The following HMCN2 variants were observed in gnomAD, a reference collection of about 807,000 sequenced individuals.
HMCN2 encodes the protein hemicentin 2, also known as hemicentin-2.
A neutral mutation model predicts 377.5 loss-of-function variants in HMCN2; 325 were observed. That is an observed-to-expected ratio of 0.86 (90% CI 0.79 to 0.94). The LOEUF (loss-of-function observed/expected upper bound fraction) is 0.94, where lower values mean the gene tolerates loss of function less well. Ranked by LOEUF, HMCN2 falls within the 40% of genes least tolerant of loss-of-function variation. HMCN2 has a pLI of 0.00. For synonymous variants in HMCN2, 2,007 were observed against 2,046.8 expected (o/e 0.98, Z 0.53); for missense variants, 4,543 against 4,725.3 (o/e 0.96, Z 1.13).
At chr9:130,378,914 T>C (rs1841546507) in intron 53 of HMCN2, among the ~76,000 whole-genome samples, 1 of 152,168 alleles carries the variant, frequency 6.6e-6, no homozygotes, top group Non-Finnish European at 1.5e-5. Context: ...AAGCTGATGA[T>C]TTTGTGCCTC....
intron 6 of HMCN2, 81 bp downstream of exon 6, chr9:130,295,853 C>T (rs979317613): frequency 2.3e-6 from 1 of 432,198 alleles, no homozygotes. Context: ...CCCTGGGGAG[C>T]CTGTGGCCTC....
rs547079752 is a variant in HMCN2 at position 130,427,327 on chromosome 9, G to C, written c.13894G>C (p.Gly4632Arg). The C allele has an allele frequency of 3.2e-6, 5 of 1,550,416 alleles. No individual in the cohort carries two copies. The highest frequency in any genetic ancestry group is 1.7e-4 in the Middle Eastern group (1 of 6,014). Residue 4632 changes from glycine to arginine, a missense_variant, in exon 91 of 98, where the codon GGC (glycine) becomes CGC (arginine). Transcript: ENST00000683500. Reference sequence around the variant, plus strand: ...TTGCTTTGCAGAGGAGAACGAGGTCGGCTGCCCCGAGGGCTTTGAGCTGGA... The same window carrying C: ...TTGCTTTGCAGAGGAGAACGAGGTCCGCTGCCCCGAGGGCTTTGAGCTGGA... ...TALQAEENEV[G>R]CPEGFELDSQ...
intron 28 of HMCN2, 127 bp downstream of exon 28, chr9:130,349,258 C>A (rs1313798968): frequency 3.1e-5 from 30 of 969,136 alleles, no homozygotes; most frequent in Non-Finnish European, 4.1e-5. Context: ...GGACCCATGA[C>A]AGACCCAACC....
In HMCN2 at chr9:130,430,344, G is replaced by A; in HGVS notation, c.14387G>A (p.Gly4796Asp). ...GCCTACCAGTGCCACAACCTCCAGG[G>A]CAGCTACCGCTGCCTGTGCCCCCCA... ...ACAYQCHNLQ[G>D]SYRCLCPPGQ... Residue 4796 changes from glycine to aspartate, a missense_variant, in exon 95 of 98, where the codon GGC (glycine) becomes GAC (aspartate). Coordinates refer to ENST00000683500, the MANE Select transcript of HMCN2 (RefSeq NM_001291815.2). 2 of 1,548,100 alleles carry A rather than the reference G, an allele frequency of 1.3e-6. No individual in the cohort carries two copies. The highest frequency in any genetic ancestry group is 1.7e-6 in the Non-Finnish European group (2 of 1,146,882).
In HMCN2 at chr9:130,344,898, G is replaced by GGT. The variant is rs1193856320; in HGVS notation, c.3830-2250_3830-2249dup. On this transcript the variant is annotated intron_variant, in intron 25 of 97. Transcript: ENST00000683500. ...TGTGTGTATGGTGTTTGGTGTATGTGGTGTGTGTGTGTGTGTGTGGTGTTT... is the reference window on the plus strand; with the variant it reads ...TGTGTGTATGGTGTTTGGTGTATGTGGTGTGTGTGTGTGTGTGTGTGGTGTTT... Among the ~76,000 whole-genome samples the GGT allele has an allele frequency of 3.4e-3, 377 of 112,226 alleles. 4 individuals carry two copies. The highest frequency in any genetic ancestry group is 6.2e-3 in the African/African-American group (195 of 31,504). The allele number at this position is 112,226 out of a possible 152,430, so 73.6% of individuals were successfully genotyped here.
At position 130,407,568 on chromosome 9, in the gene HMCN2, C is replaced by T. The variant is rs1436402426; in HGVS notation, c.12554-3C>T. 7.8e-7 allele frequency: 1 copy of T among 1,289,502 alleles called. No individual in the cohort carries two copies. Among genetic ancestry groups the T allele is most frequent in the Non-Finnish European group, 1.0e-6 (1 of 988,698 alleles). The allele number at this position is 1,289,502 out of a possible 1,614,324, so 79.9% of individuals were successfully genotyped here. On this transcript the variant is annotated splice_region_variant and splice_polypyrimidine_tract_variant and intron_variant, in intron 82 of 97. Transcript: ENST00000683500. ...GCACCCGACTTCTCTTTCTCCACCA[C>T]AGAAGGGGTGTCTGAGCAGGATGGA...
chr9:130,378,283 A>G lies in HMCN2; in HGVS notation c.8212+484A>G, dbSNP rs532834489. On this transcript the variant is annotated intron_variant, in intron 53 of 97. Coordinates refer to ENST00000683500, the MANE Select transcript of HMCN2 (RefSeq NM_001291815.2). ...GAAAGGAGGGAGCCGGGAGTCAGAG[A>G]AGCTGGGAGGGAGAGGCTGGGAGGC... Among the ~76,000 whole-genome samples, 201 of 147,436 alleles carry G rather than the reference A, an allele frequency of 1.4e-3. 1 individual carries two copies. The highest frequency in any genetic ancestry group is 2.3e-3 in the Non-Finnish European group (157 of 67,210).
chr9:130,306,832 A>G lies in HMCN2; in HGVS notation c.1980A>G (p.Gly660=), dbSNP rs1554936977. 3 of 470,612 alleles carry G rather than the reference A, an allele frequency of 6.4e-6. No individual in the cohort carries two copies. In the Admixed American group the frequency reaches 7.0e-5, roughly 11 times the overall value. The allele number at this position is 470,612 out of a possible 1,614,324, so 29.2% of individuals were successfully genotyped here. ...CTAGAATCCATGTGGACGCACAGGG[A>G]ACCCTGATTATTCAGGGGGTAGCCC... ...EDSRIHVDAQ[G]TLIIQGVAPE... is the part of the protein sequence containing the mutation. Residue 660 remains glycine (G), a synonymous_variant, in exon 13 of 98, where the codon GGA becomes GGG. Transcript: ENST00000683500.
intron 31 of HMCN2, 94 bp from the exon 32 acceptor site, chr9:130,354,669 G>T (rs568565597): frequency 2.8e-5 from 30 of 1,071,184 alleles, no homozygotes; most frequent in South Asian, 2.7e-4. Flanking sequence ...ATGGAGTGGG[G>T]TCGGTGAGGG....
intron 37 of HMCN2, among the ~76,000 whole-genome samples, chr9:130,359,730 A>T (rs1840258768): frequency 6.6e-6 from 1 of 151,922 alleles, no homozygotes; most frequent in South Asian, 2.1e-4. Flanking sequence ...TCCCCTCTAG[A>T]CCAGAAGTGG....
chr9:130,398,805 C>G (rs1278879250), intron 75 of HMCN2, 98 bp downstream of exon 75: 1 of 1,067,996 alleles, frequency 9.4e-7, no homozygotes, highest in Non-Finnish European at 1.2e-6. Flanking sequence ...GCGGGGTGTG[C>G]TCAGGTCTCA....
In HMCN2 at chr9:130,386,460, A is replaced by T. The variant is rs1842027090; in HGVS notation, c.9327A>T (p.Leu3109Phe). The change falls in exon 61 of 98, where the codon TTA (leucine) becomes TTT (phenylalanine). Residue 3109 changes from leucine to phenylalanine, a missense_variant. This residue lies in a region of HMCN2 where 736 missense variants were observed against 773.2 expected (regional missense o/e 0.95). Transcript: ENST00000683500. ...IQEAQVSDKG[L>F]YSCKVSNVAG... ...TCTTTCAGGTATCGGATAAAGGTTTATACAGCTGTAAAGTCAGCAACGTGG... is the reference window on the plus strand; with the variant it reads ...TCTTTCAGGTATCGGATAAAGGTTTTTACAGCTGTAAAGTCAGCAACGTGG... 7.7e-7 allele frequency: 1 copy of T among 1,303,846 alleles called. No homozygotes were observed. The allele number at this position is 1,303,846 out of a possible 1,614,324, so 80.8% of individuals were successfully genotyped here.
chr9:130,362,711 C>T (rs978611927), intron 39 of HMCN2, among the ~76,000 whole-genome samples, 156 bp from the exon 40 acceptor site: 78 of 152,348 alleles, frequency 5.1e-4, no homozygotes, highest in African/African-American at 1.8e-3. Context: ...CCAGATGCAA[C>T]CCTGGGTTTC....
intron 1 of HMCN2, among the ~76,000 whole-genome samples, chr9:130,268,867 G>A (rs1834261440): frequency 6.7e-6 from 1 of 148,808 alleles, no homozygotes. Context: ...AGGGCCGATT[G>A]ATGCCTTGGC....
At chr9:130,340,980 C>G (rs892077086) in intron 23 of HMCN2, 131 bp from the exon 24 acceptor site, 1 of 152,256 alleles carries the variant, frequency 6.6e-6, no homozygotes, top group African/African-American at 2.4e-5. Flanking sequence ...AACGTCTTTT[C>G]CTGCCAGCCT....
chr9:130,330,604 C>T (rs1358998355), intron 22 of HMCN2, among the ~76,000 whole-genome samples: 2 of 152,032 alleles, frequency 1.3e-5, no homozygotes, highest in South Asian at 2.1e-4. Flanking sequence ...TATCTTCGAC[C>T]CCCCCAAGTC....
chr9:130,329,458 T>C (rs928672507), intron 22 of HMCN2, among the ~76,000 whole-genome samples: 8 of 151,338 alleles, frequency 5.3e-5, no homozygotes, highest in African/African-American at 1.2e-4. Context: ...TTTTTTTTTT[T>C]TCGGAGATGG....
chr9:130,287,769 G>T (rs1481783034), intron 4 of HMCN2, among the ~76,000 whole-genome samples: 3 of 152,188 alleles, frequency 2.0e-5, no homozygotes, highest in African/African-American at 7.2e-5. Flanking sequence ...TAAATAGCTG[G>T]TGAATGGACA....
At chr9:130,275,475 A>C (rs558801205) in intron 1 of HMCN2, among the ~76,000 whole-genome samples, 31 of 152,082 alleles carry the variant, frequency 2.0e-4, no homozygotes, top group African/African-American at 7.0e-4. Flanking sequence ...TTTGAGATGG[A>C]GTCTTGCTCT....
Sources: gnomAD v4.1 joint callset for allele counts (sites outside exome capture counted in the v4.1 genomes callset) on GRCh38, gnomAD v4.1.1 for gene constraint, gnomAD v4.1.1 regional missense constraint, MANE v1.5 for transcripts, NCBI Gene and HGNC (gene_info 2026-07-23, HGNC 2026-07-21) for gene names.